Variants in SHROOM3 observed in about 807,000 individuals in gnomAD.
SHROOM3 encodes the protein shroom family member 3, also known as protein Shroom3.
In SHROOM3, 47 loss-of-function variants were observed where a neutral mutation model predicts 138.6. The ratio of observed to expected loss-of-function variants is 0.34; its 90% CI spans 0.27 to 0.43. The LOEUF (loss-of-function observed/expected upper bound fraction) is 0.43. SHROOM3 is among the 20% of genes least tolerant of loss of function. The pLI, the probability that SHROOM3 is intolerant of heterozygous loss-of-function variation, is 1.00. For missense variants in SHROOM3, 2,491 were observed against 2,596.5 expected (o/e 0.96, Z 0.88); for synonymous variants, 1,062 against 1,063.3 (o/e 1.00, Z 0.02).
chr4:76,547,969 T>G (rs975549825), intron 1 of SHROOM3, among the ~76,000 whole-genome samples: 10 of 81,742 alleles, frequency 1.2e-4, no homozygotes, highest in Non-Finnish European at 2.2e-4. Context: ...ACGTCATGAA[T>G]TAAGTGTTAA....
In SHROOM3 at chr4:76,681,594, GGTGT is replaced by G. The variant is rs558707266; in HGVS notation, c.324-28525_324-28522del. 1.5e-3 allele frequency among the ~76,000 whole-genome samples: 124 copies of G among 81,062 alleles called. 2 individuals are homozygous for G. Among genetic ancestry groups the G allele is most frequent in the African/African-American group, 5.4e-3 (96 of 17,644 alleles). The allele number at this position is 81,062 out of a possible 152,430, so 53.2% of individuals were successfully genotyped here. A position where few individuals can be genotyped will look rare whatever the true frequency, so the allele number is the denominator to read the frequency against. On this transcript the variant is annotated intron_variant, in intron 2 of 10. Transcript: ENST00000296043. Reference sequence around the variant, plus strand: ...TGTAAGAAGCTTAGGCAGAGTCTAGGGTGTGTGTGTGTGTGTGTGTGTGTGTGTG... The same window carrying G: ...TGTAAGAAGCTTAGGCAGAGTCTAGGGTGTGTGTGTGTGTGTGTGTGTGTG...
At chr4:76,571,675 C>T (rs1221809497) in intron 2 of SHROOM3, among the ~76,000 whole-genome samples, 1 of 152,176 alleles carries the variant, frequency 6.6e-6, no homozygotes, top group East Asian at 1.9e-4. Context: ...AGCTTGATTC[C>T]AATCACAGTT....
intron 1 of SHROOM3, among the ~76,000 whole-genome samples, chr4:76,515,582 G>A (rs921317009): frequency 1.3e-5 from 2 of 151,958 alleles, no homozygotes; most frequent in Non-Finnish European, 2.9e-5. Context: ...CCAGGTTTTC[G>A]AATTGTCCTT....
At chr4:76,623,871 C>G (rs1288202749) in intron 2 of SHROOM3, among the ~76,000 whole-genome samples, 1 of 152,142 alleles carries the variant, frequency 6.6e-6, no homozygotes, top group Non-Finnish European at 1.5e-5. Flanking sequence ...GAAAGATATT[C>G]CTTGCATACT....
chr4:76,778,730 C>G, intron 10 of SHROOM3, 79 bp from the exon 11 acceptor site: 1 of 1,589,568 alleles, frequency 6.3e-7, no homozygotes, highest in Non-Finnish European at 8.6e-7. Flanking sequence ...CCAGTCCTGT[C>G]AGAGGTGTCC....
chr4:76,739,980 C>T lies in SHROOM3; in HGVS notation c.1807C>T (p.Leu603Phe). Residue 603 changes from leucine to phenylalanine, a missense_variant, in exon 5 of 11, where the codon CTC (leucine) becomes TTC (phenylalanine). By Grantham distance (22) the Leu-to-Phe change is conservative. Coordinates refer to ENST00000296043, the MANE Select transcript of SHROOM3 (RefSeq NM_020859.4). ...SNKPSSHPHS[L>F]KCPQAQAWQA... ...CAAACCATCTTCTCATCCCCACAGC[C>T]TCAAATGCCCTCAGGCTCAGGCCTG... The T allele has an allele frequency of 6.2e-7, 1 of 1,614,096 alleles. No homozygotes were observed. Among genetic ancestry groups the T allele is most frequent in the East Asian group, 2.2e-5 (1 of 44,870 alleles).
chr4:76,735,863 AAAAAAATATATATATATATATATAT>A (rs1344945748), intron 4 of SHROOM3, among the ~76,000 whole-genome samples: 3 of 19,954 alleles, frequency 1.5e-4, no homozygotes, highest in African/African-American at 4.6e-4. Context: ...AAAAAAAAAA[AAAAAAATATATATATATATATATAT>A]ATATATATAT....
intron 2 of SHROOM3, among the ~76,000 whole-genome samples, chr4:76,649,129 G>A (rs1241494551): frequency 6.6e-6 from 1 of 152,022 alleles, no homozygotes; most frequent in Admixed American, 6.6e-5. Flanking sequence ...CCATTTTGCT[G>A]GGGGATGAAT....
chr4:76,569,347 C>G (rs142396051), intron 2 of SHROOM3, among the ~76,000 whole-genome samples: 1 of 152,302 alleles, frequency 6.6e-6, no homozygotes, highest in African/African-American at 2.4e-5. Flanking sequence ...TGGCAAGGCT[C>G]CTCTCCTGAC....
intron 2 of SHROOM3, among the ~76,000 whole-genome samples, chr4:76,695,130 A>T (rs1420885868): frequency 1.3e-5 from 2 of 152,154 alleles, no homozygotes; most frequent in Non-Finnish European, 2.9e-5. Context: ...ATGTTCTTAA[A>T]TGGTTAATGG....
At chr4:76,569,700 T>C (rs28599856) in intron 2 of SHROOM3, among the ~76,000 whole-genome samples, 57 of 41,306 alleles carry the variant, frequency 1.4e-3, no homozygotes, top group African/African-American at 6.3e-3. Context: ...CCTATGACAG[T>C]TTTTTTTTTT....
chr4:76,581,175 G>A (rs578100431), intron 2 of SHROOM3, among the ~76,000 whole-genome samples: 22 of 152,144 alleles, frequency 1.4e-4, no homozygotes, highest in Middle Eastern at 3.4e-3. Context: ...GGTTTTCCCT[G>A]TCTGGGATGT....
chr4:76,591,949 A>G (rs1734281754), intron 2 of SHROOM3, among the ~76,000 whole-genome samples: 1 of 152,258 alleles, frequency 6.6e-6, no homozygotes, highest in Non-Finnish European at 1.5e-5. Context: ...AACAAGTCAG[A>G]TAACACAAAA....
At chr4:76,522,391 A>C (rs2110011283) in intron 1 of SHROOM3, among the ~76,000 whole-genome samples, 1 of 152,002 alleles carries the variant, frequency 6.6e-6, no homozygotes, top group South Asian at 2.1e-4. Context: ...TAAGGCATTA[A>C]GAGGTAAAAT....
At chr4:76,758,493 G>C (rs1234517755) in intron 8 of SHROOM3, 1 of 151,272 alleles carries the variant, frequency 6.6e-6, no homozygotes, top group Non-Finnish European at 1.5e-5. Context: ...CCATCTCCTG[G>C]TGGAAATAAG....
At chr4:76,718,750 T>G (rs558257098) in intron 3 of SHROOM3, among the ~76,000 whole-genome samples, 79 of 152,314 alleles carry the variant, frequency 5.2e-4, no homozygotes, top group African/African-American at 1.8e-3. Context: ...GAGTGGTGTT[T>G]AGAATAAATA....
At position 76,676,836 on chromosome 4, in the gene SHROOM3, G is replaced by A. The variant is rs570290586; in HGVS notation, c.324-33320G>A. On this transcript the variant is annotated intron_variant, in intron 2 of 10. Transcript: ENST00000296043. ...CCGGCGCCTGTAGTCCCAGCTACTC[G>A]GGAGGCTGAGGCAGGAGAATGGCGT... Among the ~76,000 whole-genome samples, 54 of 151,846 alleles carry A rather than the reference G, an allele frequency of 3.6e-4. 1 individual carries two copies. The East Asian group carries it at 9.7e-3, about 27-fold the overall frequency.
In SHROOM3 at chr4:76,541,627, A is replaced by G. The variant is rs112781083; in HGVS notation, c.169-13982A>G. 9.5e-3 allele frequency among the ~76,000 whole-genome samples: 1,424 copies of G among 149,280 alleles called. 19 individuals are homozygous for G. The highest frequency in any genetic ancestry group is 0.031 in the African/African-American group (1,278 of 40,950). On this transcript the variant is annotated intron_variant, in intron 1 of 10. Coordinates refer to ENST00000296043, the MANE Select transcript of SHROOM3 (RefSeq NM_020859.4). ...GGCCGGGATTCACATATGTGGGCGC[A>G]CACACACACACACACACACACACCA...
intron 1 of SHROOM3, among the ~76,000 whole-genome samples, chr4:76,521,278 G>GTT (rs1374089380): frequency 2.5e-5 from 2 of 78,644 alleles, no homozygotes; most frequent in African/African-American, 5.5e-5. Context: ...CTGTGTGTAT[G>GTT]TATATGTGTG....
Sources: allele counts gnomAD v4.1 joint callset (sites outside exome capture counted in the v4.1 genomes callset), GRCh38; gene constraint gnomAD v4.1.1; transcripts MANE v1.5; gene names NCBI Gene and HGNC (gene_info 2026-07-23, HGNC 2026-07-21).